The following PRRX2 variants were observed in gnomAD, a reference collection of about 807,000 sequenced individuals.
PRRX2 encodes paired mesoderm homeobox protein 2.
In PRRX2, 11 loss-of-function variants were observed where a neutral mutation model predicts 18.0. The observed-to-expected ratio is 0.61, with a 90% CI of 0.39 to 1.01. The LOEUF (loss-of-function observed/expected upper bound fraction) is 1.01. Among genes scored for constraint, PRRX2 ranks in the 50% least tolerant of loss-of-function variants. PRRX2 has a pLI of 0.01. For synonymous variants in PRRX2, 177 were observed against 154.8 expected, an observed-to-expected ratio of 1.14 and a Z score of -1.06; for missense variants, 387 against 351.0, an observed-to-expected ratio of 1.10 and a Z score of -0.82.
chr9:129,682,310 C>T (rs1832242652), intron 1 of PRRX2, among the ~76,000 whole-genome samples: 2 of 135,086 alleles, frequency 1.5e-5, no homozygotes, highest in East Asian at 2.1e-4. Flanking sequence ...CAGATGTCCC[C>T]GCCGCTGCTG....
Position 129,722,325 on chromosome 9 carries a change from C to A in PRRX2, c.735C>A (p.His245Gln). 6.2e-7 allele frequency: 1 copy of A among 1,614,018 alleles called. No individual in the cohort carries two copies. The highest frequency in any genetic ancestry group is 8.5e-7 in the Non-Finnish European group (1 of 1,180,016). The change falls in exon 4 of 4, where the codon CAC (histidine) becomes CAA (glutamine). Residue 245 changes from histidine (H) to glutamine (Q), a missense_variant. Coordinates refer to ENST00000372469, the MANE Select transcript of PRRX2 (RefSeq NM_016307.4). ...TCAAGGCCAAGGAGTTCAGCCTGCA[C>A]CACAGCCAGGTGCCTACGGTGAACT... is the stretch of plus-strand genomic sequence containing the variant. ...LRLKAKEFSL[H>Q]HSQVPTVN
intron 1 of PRRX2, among the ~76,000 whole-genome samples, chr9:129,683,363 T>G (rs7032679): frequency 0.02 from 3,068 of 152,298 alleles, 100 homozygotes; most frequent in African/African-American, 0.069. Context: ...ACATATTTCT[T>G]GAGAGCCCCT....
chr9:129,720,983 ATGTG>A (rs144360786), intron 3 of PRRX2, among the ~76,000 whole-genome samples: 135 of 151,126 alleles, frequency 8.9e-4, no homozygotes, highest in African/African-American at 2.9e-3. Flanking sequence ...AAGAGTTGGC[ATGTG>A]TGTGTGTGTC....
At position 129,671,801 on chromosome 9, in the gene PRRX2, A is replaced by G. The variant is rs1288571303; in HGVS notation, c.259+5675A>G. The stretch of plus-strand genomic sequence containing the variant: ...CTGCCCGAGGCCTCACAGCTGGGAA[A>G]GGAGAGGAGGGATTTGGTTTTGGAT... On this transcript the variant is annotated intron_variant, in intron 1 of 3. Transcript: ENST00000372469. This position sits in a 1 kb window ranked among gnomAD's most constrained non-coding sequence, Gnocchi z 4.0. Among the ~76,000 whole-genome samples, 1 of 152,234 alleles carries G rather than the reference A, an allele frequency of 6.6e-6. No homozygotes were observed. The highest frequency in any genetic ancestry group is 2.4e-5 in the African/African-American group (1 of 41,470).
At position 129,719,310 on chromosome 9, in the gene PRRX2, C is replaced by G. The variant is rs774909161; in HGVS notation, c.339C>G (p.Ser113Arg). The change falls in exon 2 of 4, where the codon AGC becomes AGG. Residue 113 changes from serine to arginine, a missense_variant. Ser to Arg is a moderately radical substitution (Grantham distance 110, BLOSUM62 -1). Transcript: ENST00000372469. Reference sequence around the variant, plus strand: ...GGCGGAACCGCACCACGTTCAACAGCAGCCAACTGCAGGCGCTGGAGCGCG... The same window carrying G: ...GGCGGAACCGCACCACGTTCAACAGGAGCCAACTGCAGGCGCTGGAGCGCG... ...KQRRNRTTFN[S>R]SQLQALERVF... The G allele has an allele frequency of 6.2e-7, 1 of 1,610,366 alleles. No homozygotes were observed. The highest frequency in any genetic ancestry group is 1.1e-5 in the South Asian group (1 of 90,552).
At chr9:129,667,259 G>A (rs995632446) in intron 1 of PRRX2, among the ~76,000 whole-genome samples, 2 of 152,346 alleles carry the variant, frequency 1.3e-5, no homozygotes, top group East Asian at 3.9e-4. Context: ...ACCCTCCGGG[G>A]TGAGTGTGAA....
At chr9:129,697,531 C>T (rs377561577) in intron 1 of PRRX2, among the ~76,000 whole-genome samples, 1 of 151,216 alleles carries the variant, frequency 6.6e-6, no homozygotes, top group Admixed American at 6.6e-5. Flanking sequence ...ACCAGCGCGG[C>T]GCGCTCGCAC....
rs1308956679 is a variant in PRRX2, at chr9:129,709,798, C to T, written c.260-9433C>T. 1.3e-5 allele frequency among the ~76,000 whole-genome samples: 2 copies of T among 152,082 alleles called. No individual in the cohort carries two copies. Among genetic ancestry groups the T allele is most frequent in the Admixed American group, 6.5e-5 (1 of 15,272 alleles). On this transcript the variant is annotated intron_variant, in intron 1 of 3. Coordinates refer to ENST00000372469, the MANE Select transcript of PRRX2 (RefSeq NM_016307.4). The surrounding 1 kb of genome is among the most constrained non-coding windows in gnomAD (Gnocchi z 4.2). ...CCCAGCCTCTTCCTCACTCGGAGGA[C>T]GTGTCCTCACCAGGCCTCCATGGCT...
chr9:129,684,455 CACACCCAA>C (rs1564147289), intron 1 of PRRX2, among the ~76,000 whole-genome samples: 2 of 140,976 alleles, frequency 1.4e-5, no homozygotes, highest in African/African-American at 5.4e-5. Context: ...CACACACACA[CACACCCAA>C]CAGAAAAGAT....
rs553160231 is a variant in PRRX2 at position 129,667,454 on chromosome 9, G to A, written c.259+1328G>A. Among the ~76,000 whole-genome samples the A allele has an allele frequency of 6.6e-5, 10 of 152,296 alleles. No individual in the cohort carries two copies. In the South Asian group the frequency reaches 2.1e-3, roughly 32 times the overall value. On this transcript the variant is annotated intron_variant, in intron 1 of 3. Coordinates refer to ENST00000372469, the MANE Select transcript of PRRX2 (RefSeq NM_016307.4). ...TCCCCCAACCCCAGGACAGAGGAGAGGTCCCGGTTTACCCTGATGAAGGGA... is the reference window on the plus strand; with the variant it reads ...TCCCCCAACCCCAGGACAGAGGAGAAGTCCCGGTTTACCCTGATGAAGGGA...
chr9:129,721,906 G>C (rs1224935717), intron 3 of PRRX2, among the ~76,000 whole-genome samples: 1 of 152,158 alleles, frequency 6.6e-6, no homozygotes, highest in Non-Finnish European at 1.5e-5. Flanking sequence ...AAATCCAGGT[G>C]CCTGTTCATT....
In PRRX2 at chr9:129,690,570, G is replaced by A. The variant is rs532914923; in HGVS notation, c.259+24444G>A. Among the ~76,000 whole-genome samples the A allele has an allele frequency of 2.0e-4, 30 of 150,020 alleles. 1 individual carries two copies. Among genetic ancestry groups the A allele is most frequent in the South Asian group, 8.4e-4 (4 of 4,738 alleles). On this transcript the variant is annotated intron_variant, in intron 1 of 3. Coordinates refer to ENST00000372469, the MANE Select transcript of PRRX2 (RefSeq NM_016307.4). Reference sequence around the variant, plus strand: ...CACCCAGGCTGGAGTGCAGTGGTGCGATCTCGGCTCACTGCAGTCTCCGCC... The same window carrying A: ...CACCCAGGCTGGAGTGCAGTGGTGCAATCTCGGCTCACTGCAGTCTCCGCC...
chr9:129,687,675 C>A (rs1246901485), intron 1 of PRRX2, among the ~76,000 whole-genome samples: 12 of 152,202 alleles, frequency 7.9e-5, no homozygotes, highest in Admixed American at 7.9e-4. Flanking sequence ...GCGCCAACTC[C>A]GTGGAATTCT....
At position 129,674,445 on chromosome 9, in the gene PRRX2, C is replaced by T. The variant is rs968325933; in HGVS notation, c.259+8319C>T. ...AGGAGGGGCTAGGAGTGAGTGGGGGCAACGGGTGATGGAGCAGCCAAGGAG... is the reference window on the plus strand; with the variant it reads ...AGGAGGGGCTAGGAGTGAGTGGGGGTAACGGGTGATGGAGCAGCCAAGGAG... On this transcript the variant is annotated intron_variant, in intron 1 of 3. Transcript: ENST00000372469. 2.6e-5 allele frequency among the ~76,000 whole-genome samples: 4 copies of T among 152,126 alleles called. No individual in the cohort carries two copies. The East Asian group carries it at 7.7e-4, about 29-fold the overall frequency.
At chr9:129,677,549 C>G (rs1308516871) in intron 1 of PRRX2, among the ~76,000 whole-genome samples, 1 of 152,220 alleles carries the variant, frequency 6.6e-6, no homozygotes, top group Non-Finnish European at 1.5e-5. Context: ...AGGAAGGCCC[C>G]CCTCCAAACC....
At chr9:129,688,101 C>T (rs964936859) in intron 1 of PRRX2, among the ~76,000 whole-genome samples, 2 of 151,738 alleles carry the variant, frequency 1.3e-5, no homozygotes, top group Non-Finnish European at 2.9e-5. Flanking sequence ...CTCACTCTGT[C>T]ACCCAGGCTG....
chr9:129,705,196 T>C (rs1588171981), intron 1 of PRRX2, among the ~76,000 whole-genome samples: 1 of 88,032 alleles, frequency 1.1e-5, no homozygotes, highest in African/African-American at 4.9e-5. Flanking sequence ...AGTTTTGGGG[T>C]CTCAGGAATA....
intron 1 of PRRX2, among the ~76,000 whole-genome samples, chr9:129,696,100 G>C (rs1028690974): frequency 4.6e-5 from 7 of 151,888 alleles, no homozygotes; most frequent in Non-Finnish European, 1.0e-4. Context: ...AAAGAAAGGT[G>C]GGGTAGGGAG....
chr9:129,696,252 C>T (rs551084228), intron 1 of PRRX2, among the ~76,000 whole-genome samples: 1 of 152,088 alleles, frequency 6.6e-6, no homozygotes, highest in Non-Finnish European at 1.5e-5. Flanking sequence ...AAGCCACATA[C>T]CCCTGAATAG....
Sources: gnomAD v4.1 joint callset for allele counts (sites outside exome capture counted in the v4.1 genomes callset) on GRCh38, gnomAD v4.1.1 for gene constraint, Gnocchi (gnomAD v3.1) non-coding constraint, MANE v1.5 for transcripts, NCBI Gene and HGNC (gene_info 2026-07-23, HGNC 2026-07-21) for gene names.